Variants in MBIP observed in about 807,000 individuals in gnomAD.
The protein encoded by MBIP is MAP3K12 binding inhibitory protein 1.
Under a neutral mutation model 45.7 loss-of-function variants are expected in MBIP, and 32 were observed. That is an observed-to-expected ratio of 0.70 (90% CI 0.53 to 0.94). The LOEUF is 0.94. Among genes scored for constraint, MBIP ranks in the 40% least tolerant of loss-of-function variants. The pLI is 0.00. For synonymous variants in MBIP, 145 were observed against 141.0 expected (o/e 1.03, Z -0.20); for missense variants, 381 against 405.5 (o/e 0.94, Z 0.52).
chr14:36,320,375 T>A (rs919923260), intron 1 of MBIP, 85 bp downstream of exon 1: 9 of 1,588,198 alleles, frequency 5.7e-6, no homozygotes, highest in Non-Finnish European at 7.7e-6. Context: ...CAGGCCTAGC[T>A]GCCCCCGGCC....
chr14:36,315,712 C>T (rs1001569933), intron 2 of MBIP, among the ~76,000 whole-genome samples: 4 of 152,044 alleles, frequency 2.6e-5, no homozygotes, highest in Admixed American at 1.3e-4. Flanking sequence ...CTGCTCTGCC[C>T]TTTAAAAACA....
Position 36,300,866 on chromosome 14 carries a change from A to T in MBIP, c.889-43T>A, listed in dbSNP as rs767930578. The stretch of plus-strand genomic sequence containing the variant: ...AGGTAATGTTTAGAAAAATCTAAGC[A>T]TCATTTTTTTTTCTTTATAAAATAC... On this transcript the variant is annotated intron_variant, in intron 7 of 8. Coordinates refer to ENST00000416007, the MANE Select transcript of MBIP (RefSeq NM_016586.3). 8 of 1,259,838 alleles carry T rather than the reference A, an allele frequency of 6.4e-6. No homozygotes were observed. The East Asian group carries it at 1.2e-4, about 19-fold the overall frequency. The allele number at this position is 1,259,838 out of a possible 1,614,324, so 78.0% of individuals were successfully genotyped here.
chr14:36,318,134 T>C (rs903957661), intron 1 of MBIP, among the ~76,000 whole-genome samples: 1 of 152,086 alleles, frequency 6.6e-6, no homozygotes, highest in African/African-American at 2.4e-5. Context: ...CAACAACCTG[T>C]ATTATGTATG....
At chr14:36,316,906 T>A in intron 1 of MBIP, 94 bp from the exon 2 acceptor site, 1 of 1,324,602 alleles carries the variant, frequency 7.5e-7, no homozygotes, top group Non-Finnish European at 1.0e-6. Context: ...GAGTAACGGG[T>A]CTATTTTGCT....
chr14:36,312,231 A>G (rs923612771), intron 4 of MBIP, among the ~76,000 whole-genome samples: 1 of 152,098 alleles, frequency 6.6e-6, no homozygotes, highest in Admixed American at 6.6e-5. Flanking sequence ...TAATATTCTT[A>G]CCTAATGTTC....
At chr14:36,300,534 T>C (rs1193159371) in intron 8 of MBIP, among the ~76,000 whole-genome samples, 1 of 152,196 alleles carries the variant, frequency 6.6e-6, no homozygotes, top group African/African-American at 2.4e-5. Context: ...TTTAAGCACT[T>C]TGTGAATGAC....
At chr14:36,313,580 T>C (rs1880346318) in intron 4 of MBIP, 5 of 152,108 alleles carry the variant, frequency 3.3e-5, no homozygotes. Flanking sequence ...TTGCACCTGT[T>C]CTGAAAAGCT....
chr14:36,311,136 G>A (rs1880172886), intron 6 of MBIP, among the ~76,000 whole-genome samples: 1 of 152,122 alleles, frequency 6.6e-6, no homozygotes, highest in Non-Finnish European at 1.5e-5. Flanking sequence ...AATGGAGAGG[G>A]AGACTCAGTC....
intron 4 of MBIP, among the ~76,000 whole-genome samples, chr14:36,312,920 T>A (rs1237887021): frequency 2.7e-5 from 4 of 150,590 alleles, no homozygotes; most frequent in Non-Finnish European, 5.9e-5. Flanking sequence ...TTAAAAAAAA[T>A]TATTTTTTCC....
intron 6 of MBIP, among the ~76,000 whole-genome samples, chr14:36,309,562 T>C (rs1880081287): frequency 6.6e-6 from 1 of 152,228 alleles, no homozygotes; most frequent in East Asian, 1.9e-4. Context: ...ATTGTCAACT[T>C]GTTATGTAAA....
At chr14:36,307,662 G>T (rs1461158489) in intron 7 of MBIP, among the ~76,000 whole-genome samples, 1 of 152,194 alleles carries the variant, frequency 6.6e-6, no homozygotes, top group Non-Finnish European at 1.5e-5. Context: ...CTTGAGGTGT[G>T]TGTTTGTTTA....
chr14:36,300,991 T>C, intron 7 of MBIP, 168 bp from the exon 8 acceptor site: 2 of 468,750 alleles, frequency 4.3e-6, no homozygotes, highest in Non-Finnish European at 7.7e-6. Flanking sequence ...CCTTATATTC[T>C]GCAAGTTACC....
intron 2 of MBIP, among the ~76,000 whole-genome samples, chr14:36,316,348 C>T (rs1327406617): frequency 1.3e-5 from 2 of 152,086 alleles, no homozygotes; most frequent in Non-Finnish European, 2.9e-5. Context: ...TCCAAACTCA[C>T]CCAAGGCATG....
chr14:36,316,889 A>T, intron 1 of MBIP, 77 bp from the exon 2 acceptor site: 1 of 1,455,364 alleles, frequency 6.9e-7, no homozygotes, highest in South Asian at 1.4e-5. Flanking sequence ...CAAAAATAAG[A>T]TTTCTAGAGT....
At chr14:36,320,237 T>C (rs1238233109) in intron 1 of MBIP, among the ~76,000 whole-genome samples, 1 of 151,812 alleles carries the variant, frequency 6.6e-6, no homozygotes, top group East Asian at 1.9e-4. Context: ...CCTCACCCAC[T>C]CTTGGGGAGG....
chr14:36,304,763 T>C (rs1044806940), intron 7 of MBIP, among the ~76,000 whole-genome samples: 1 of 152,210 alleles, frequency 6.6e-6, no homozygotes, highest in Non-Finnish European at 1.5e-5. Context: ...TCTGATTACA[T>C]TTTATAAAAC....
intron 1 of MBIP, among the ~76,000 whole-genome samples, chr14:36,318,131 C>T (rs1880686663): frequency 6.6e-6 from 1 of 151,954 alleles, no homozygotes; most frequent in Non-Finnish European, 1.5e-5. Context: ...AGACAACAAC[C>T]TGTATTATGT....
rs780069019 is a variant in MBIP at position 36,299,097 on chromosome 14, G to A, written c.1021C>T (p.His341Tyr). ...AGAGGAGTTTTTCATGGAAGGTGGT[G>A]GGTTGCCATGGATTCTGCTTCTCTT... ...KSREAESMATHHLP is the reference protein window; with the variant it reads ...KSREAESMATYHLP The change falls in exon 9 of 9, where the codon CAC becomes TAC. Residue 341 changes from histidine to tyrosine, a missense_variant. Coordinates refer to ENST00000416007, the MANE Select transcript of MBIP (RefSeq NM_016586.3). 1 of 1,613,514 alleles carries A rather than the reference G, an allele frequency of 6.2e-7. No individual in the cohort carries two copies. The highest frequency in any genetic ancestry group is 1.1e-5 in the South Asian group (1 of 91,058).
chr14:36,319,862 T>C (rs1174339565), intron 1 of MBIP: 1 of 178,304 alleles, frequency 5.6e-6, no homozygotes, highest in Non-Finnish European at 1.2e-5. Flanking sequence ...AACTAGTTAA[T>C]AGTTAAATAA....
Sources: allele counts gnomAD v4.1 joint callset (sites outside exome capture counted in the v4.1 genomes callset), GRCh38; gene constraint gnomAD v4.1.1; transcripts MANE v1.5; gene names NCBI Gene and HGNC (gene_info 2026-07-23, HGNC 2026-07-21).